LRRC4C: variants seen among roughly 807,000 people sequenced by gnomAD.
LRRC4C encodes leucine rich repeat containing 4C.
Under a neutral mutation model 33.6 loss-of-function variants are expected in LRRC4C, and 5 were observed. The observed-to-expected ratio is 0.15, with a 90% CI of 0.08 to 0.31. LRRC4C has a LOEUF of 0.31. Among genes scored for constraint, LRRC4C ranks in the 10% least tolerant of loss-of-function variants. The pLI is 1.00. For synonymous variants in LRRC4C, 329 were observed against 302.0 expected (o/e 1.09, Z -0.93); for missense variants, 560 against 796.7 (o/e 0.70, Z 3.58).
chr11:40,746,700 G>A (rs1423306367), intron 2 of LRRC4C, among the ~76,000 whole-genome samples: 1 of 152,052 alleles, frequency 6.6e-6, no homozygotes, highest in Non-Finnish European at 1.5e-5. Context: ...ATACAATCAG[G>A]GCCTGGGGAT....
Position 41,070,039 on chromosome 11 carries a change from A to G in LRRC4C, c.-495-136316T>C, listed in dbSNP as rs1441426337. ...ACTACACTAAAAGGCTATAGTAACC[A>G]AAACAGCATGGTACTGGTACAAAAA... On this transcript the variant is annotated intron_variant, in intron 1 of 6. Transcript: ENST00000528697. Among the ~76,000 whole-genome samples, 3 of 152,208 alleles carry G rather than the reference A, an allele frequency of 2.0e-5. No individual in the cohort carries two copies. In the East Asian group the frequency reaches 5.8e-4, roughly 29 times the overall value.
At chr11:40,870,895 T>C (rs1565153746) in intron 2 of LRRC4C, among the ~76,000 whole-genome samples, 1 of 152,214 alleles carries the variant, frequency 6.6e-6, no homozygotes, top group East Asian at 1.9e-4. Flanking sequence ...CATATTTCTC[T>C]TCTTTCAAAA....
chr11:40,776,417 T>C (rs1387616702), intron 2 of LRRC4C, among the ~76,000 whole-genome samples: 1 of 152,164 alleles, frequency 6.6e-6, no homozygotes, highest in East Asian at 1.9e-4. Flanking sequence ...AGCTCAATAT[T>C]GGTGTGTTCA....
intron 2 of LRRC4C, among the ~76,000 whole-genome samples, chr11:40,915,121 C>A (rs1357734313): frequency 6.6e-6 from 1 of 152,006 alleles, no homozygotes; most frequent in African/African-American, 2.4e-5. Context: ...CCATACTGCC[C>A]AAGGTAATTT....
intron 1 of LRRC4C, among the ~76,000 whole-genome samples, chr11:41,047,375 A>T (rs1167682087): frequency 6.6e-6 from 1 of 152,156 alleles, no homozygotes; most frequent in Admixed American, 6.5e-5. Flanking sequence ...ATTTGGAGAA[A>T]TTAACTCTCT....
At chr11:41,188,988 G>A (rs894360860) in intron 1 of LRRC4C, among the ~76,000 whole-genome samples, 1 of 147,614 alleles carries the variant, frequency 6.8e-6, no homozygotes, top group African/African-American at 2.5e-5. Context: ...TATAACCCAC[G>A]ATCAAGCCAA....
chr11:40,520,364 C>G lies in LRRC4C; in HGVS notation c.-270+127778G>C, dbSNP rs1440113. Among the ~76,000 whole-genome samples, 1,374 of 152,264 alleles carry G rather than the reference C, an allele frequency of 9.0e-3. 19 individuals carry two copies. The highest frequency in any genetic ancestry group is 0.031 in the African/African-American group (1,275 of 41,558). On this transcript the variant is annotated intron_variant, in intron 3 of 6. Coordinates refer to ENST00000528697, the MANE Select transcript of LRRC4C (RefSeq NM_001258419.2). ...ACATGCTTTCTTCACTAAGTTTAAT[C>G]ATTTCCAGCTTTGGATTTAAAGTGA...
chr11:40,323,774 C>T (rs1314040580), intron 3 of LRRC4C, among the ~76,000 whole-genome samples: 2 of 152,124 alleles, frequency 1.3e-5, no homozygotes, highest in Non-Finnish European at 2.9e-5. Context: ...AGGAACCCAC[C>T]CTCTATTGAA....
At chr11:40,202,604 G>C (rs999581999) in intron 5 of LRRC4C, among the ~76,000 whole-genome samples, 1 of 152,100 alleles carries the variant, frequency 6.6e-6, no homozygotes, top group Non-Finnish European at 1.5e-5. Context: ...CCCGAATAGG[G>C]GAAGGGCCAT....
At chr11:40,471,680 G>C (rs111751078) in intron 3 of LRRC4C, among the ~76,000 whole-genome samples, 16,025 of 100,864 alleles carry the variant, frequency 0.16, 964 homozygotes, top group East Asian at 0.25. Flanking sequence ...CAAATGGAAA[G>C]CCAAAAAAAA....
intron 6 of LRRC4C, among the ~76,000 whole-genome samples, chr11:40,140,293 C>T (rs1370201542): frequency 2.0e-5 from 3 of 152,120 alleles, no homozygotes; most frequent in Non-Finnish European, 4.4e-5. Flanking sequence ...AGAACTACCA[C>T]TCATGGAAAC....
At chr11:40,364,776 G>A (rs2137202308) in intron 3 of LRRC4C, among the ~76,000 whole-genome samples, 1 of 151,986 alleles carries the variant, frequency 6.6e-6, no homozygotes, top group Middle Eastern at 3.4e-3. Flanking sequence ...CATAAAAATG[G>A]TAATGCATCT....
At chr11:40,286,798 C>T (rs996697660) in intron 4 of LRRC4C, among the ~76,000 whole-genome samples, 6 of 152,092 alleles carry the variant, frequency 3.9e-5, no homozygotes, top group African/African-American at 1.2e-4. Flanking sequence ...ATTTAGGGGC[C>T]CCAGCTAACA....
At chr11:41,181,779 T>C (rs1001767895) in intron 1 of LRRC4C, among the ~76,000 whole-genome samples, 1 of 152,194 alleles carries the variant, frequency 6.6e-6, no homozygotes, top group Non-Finnish European at 1.5e-5. Context: ...AAATCTATAA[T>C]ACTAACCACC....
intron 2 of LRRC4C, among the ~76,000 whole-genome samples, chr11:40,668,591 G>A (rs1943934000): frequency 6.6e-6 from 1 of 152,104 alleles, no homozygotes; most frequent in Non-Finnish European, 1.5e-5. Context: ...ATTTTCTACT[G>A]ACGATTTTTC....
intron 1 of LRRC4C, among the ~76,000 whole-genome samples, chr11:41,203,018 T>A (rs1946461953): frequency 6.6e-6 from 1 of 152,202 alleles, no homozygotes; most frequent in African/African-American, 2.4e-5. Flanking sequence ...ACTCCTGACC[T>A]CAGGTGATCC....
intron 1 of LRRC4C, among the ~76,000 whole-genome samples, chr11:41,214,572 ATAC>A: frequency 7.3e-6 from 1 of 136,482 alleles, no homozygotes; most frequent in Non-Finnish European, 1.5e-5. Flanking sequence ...TCTACTAAAA[ATAC>A]AAAAAAAAAA....
At chr11:40,495,756 A>G (rs1954400399) in intron 3 of LRRC4C, among the ~76,000 whole-genome samples, 1 of 148,668 alleles carries the variant, frequency 6.7e-6, no homozygotes, top group South Asian at 2.1e-4. Flanking sequence ...AATGGAAAAT[A>G]GTACTGGAAA....
At chr11:41,344,511 C>A (rs947381653) in intron 1 of LRRC4C, among the ~76,000 whole-genome samples, 4 of 152,134 alleles carry the variant, frequency 2.6e-5, no homozygotes, top group African/African-American at 9.7e-5. Flanking sequence ...TGAGCCACCG[C>A]GCCCGGCCAA....
Sources: gnomAD v4.1 joint callset for allele counts (sites outside exome capture counted in the v4.1 genomes callset) on GRCh38, gnomAD v4.1.1 for gene constraint, MANE v1.5 for transcripts, NCBI Gene and HGNC (gene_info 2026-07-23, HGNC 2026-07-21) for gene names.